AFF1: variants seen among roughly 807,000 people sequenced by gnomAD.
The protein encoded by AFF1 is AF4/FMR2 family member 1.
In AFF1, 48 loss-of-function variants were observed where a neutral mutation model predicts 121.7. The observed-to-expected ratio is 0.39, with a 90% CI of 0.31 to 0.50. The LOEUF (loss-of-function observed/expected upper bound fraction) is 0.50. AFF1 is among the 20% of genes least tolerant of loss of function. The pLI is 0.76. For synonymous variants in AFF1, 613 were observed against 563.0 expected, an observed-to-expected ratio of 1.09 and a Z score of -1.26; for missense variants, 1,523 against 1,511.7, an observed-to-expected ratio of 1.01 and a Z score of -0.12.
intron 2 of AFF1, chr4:86,949,549 T>TTTCCC (rs1721139932): frequency 1.9e-6 from 1 of 529,898 alleles, no homozygotes. Context: ...TTTTTTTTTT[T>TTTCCC]TTTTTTTCCC....
chr4:87,016,254 G>C (rs1306716253), intron 2 of AFF1, among the ~76,000 whole-genome samples: 6 of 152,104 alleles, frequency 3.9e-5, no homozygotes, highest in South Asian at 2.1e-4. Flanking sequence ...TTGTCACCCA[G>C]ATCTTTTATA....
intron 2 of AFF1, among the ~76,000 whole-genome samples, chr4:87,030,510 C>T (rs6810606): frequency 0.044 from 6,693 of 152,198 alleles, 487 homozygotes; most frequent in African/African-American, 0.15. Context: ...AAAAAATTCT[C>T]CCCCCTTTGC....
intron 2 of AFF1, among the ~76,000 whole-genome samples, chr4:86,969,253 C>T (rs973800849): frequency 2.8e-4 from 43 of 151,466 alleles, no homozygotes; most frequent in African/African-American, 9.2e-4. Context: ...CTGAGGCAGG[C>T]GGATCATGAG....
At chr4:86,947,753 T>C (rs1232479247) in intron 1 of AFF1, among the ~76,000 whole-genome samples, 1 of 152,112 alleles carries the variant, frequency 6.6e-6, no homozygotes, top group Non-Finnish European at 1.5e-5. Flanking sequence ...GGATAATAAT[T>C]TTTCCCCCAA....
rs140581453 is a variant in AFF1 at position 87,009,033 on chromosome 4, T to G, written c.39-37133T>G. Among the ~76,000 whole-genome samples the G allele has an allele frequency of 3.3e-5, 5 of 152,338 alleles. No homozygotes were observed. The South Asian group carries it at 6.2e-4, about 19-fold the overall frequency. On this transcript the variant is annotated intron_variant, in intron 2 of 20. Coordinates refer to ENST00000395146, the MANE Select transcript of AFF1 (RefSeq NM_001166693.3). ...TGCTGTGTGACAGATCTCAGTAATA[T>G]AGCGCAGGGATTTGTACCCAGGTGT...
At chr4:86,948,815 T>G (rs2149450050) in intron 2 of AFF1, among the ~76,000 whole-genome samples, 1 of 152,314 alleles carries the variant, frequency 6.6e-6, no homozygotes, top group South Asian at 2.1e-4. Context: ...GATGTTAATT[T>G]AAATGATTAA....
At position 87,134,600 on chromosome 4, in the gene AFF1, G is replaced by C; in HGVS notation, c.3441G>C (p.Gln1147His). ...AATISTPVTIQNMTSSYVTIT... is the reference protein window; with the variant it reads ...AATISTPVTIHNMTSSYVTIT... ...CTATCAGCACCCCAGTCACCATCCA[G>C]AATATGACATCTTCCTATGTCACCA... The change falls in exon 20 of 21, where the codon CAG becomes CAC. Residue 1147 changes from glutamine (Q) to histidine (H), a missense_variant. This residue lies in a region of AFF1 where 241 missense variants were observed against 265.2 expected (regional missense o/e 0.91). Coordinates refer to ENST00000395146, the MANE Select transcript of AFF1 (RefSeq NM_001166693.3). 1 of 1,614,184 alleles carries C rather than the reference G, an allele frequency of 6.2e-7. No individual in the cohort carries two copies. Among genetic ancestry groups the C allele is most frequent in the Non-Finnish European group, 8.5e-7 (1 of 1,180,040 alleles).
At chr4:86,969,465 C>T (rs754299335) in intron 2 of AFF1, among the ~76,000 whole-genome samples, 10 of 151,422 alleles carry the variant, frequency 6.6e-5, no homozygotes, top group African/African-American at 1.2e-4. Context: ...GGCAACAGAG[C>T]GAGCTTCCAT....
intron 4 of AFF1, among the ~76,000 whole-genome samples, chr4:87,083,471 T>C (rs1578214390): frequency 6.6e-6 from 1 of 152,220 alleles, no homozygotes; most frequent in East Asian, 1.9e-4. Flanking sequence ...AGAGTTATCC[T>C]TGATTGGACT....
chr4:87,038,972 G>C (rs1024441212), intron 2 of AFF1, among the ~76,000 whole-genome samples: 1 of 152,142 alleles, frequency 6.6e-6, no homozygotes, highest in Admixed American at 6.6e-5. Flanking sequence ...GCTGTGCACA[G>C]CCAGCCCTGT....
intron 2 of AFF1, among the ~76,000 whole-genome samples, chr4:86,969,873 C>T (rs1465576773): frequency 4.1e-5 from 1 of 24,220 alleles, no homozygotes; most frequent in East Asian, 5.1e-4. Context: ...GAGCGAGACT[C>T]CGTCTCAAAA....
intron 1 of AFF1, among the ~76,000 whole-genome samples, chr4:86,945,470 A>G (rs145567460): frequency 7.1e-6 from 1 of 140,624 alleles, no homozygotes; most frequent in Non-Finnish European, 1.5e-5. Flanking sequence ...GACCACAGAC[A>G]TGTGCCACCT....
chr4:87,082,876 A>G (rs1356712913), intron 4 of AFF1, among the ~76,000 whole-genome samples: 1 of 152,250 alleles, frequency 6.6e-6, no homozygotes, highest in Non-Finnish European at 1.5e-5. Context: ...AACCAGTTCT[A>G]TATTAAATTA....
In AFF1 at chr4:86,959,887, A is replaced by C. The variant is rs563245253; in HGVS notation, c.38+11316A>C. 5.9e-5 allele frequency among the ~76,000 whole-genome samples: 9 copies of C among 152,272 alleles called. No individual in the cohort carries two copies. The East Asian group carries it at 1.7e-3, about 29-fold the overall frequency. The stretch of plus-strand genomic sequence containing the variant: ...AGCCAGCTTCTCTTCTCTGTCTCTG[A>C]TAAATAATTGGAAGGAAAGGCAATG... On this transcript the variant is annotated intron_variant, in intron 2 of 20. Coordinates refer to ENST00000395146, the MANE Select transcript of AFF1 (RefSeq NM_001166693.3).
intron 2 of AFF1, among the ~76,000 whole-genome samples, chr4:87,042,010 G>GAAA (rs571154413): frequency 1.6e-5 from 2 of 124,812 alleles, no homozygotes; most frequent in African/African-American, 5.8e-5. Flanking sequence ...ACTCCATCTG[G>GAAA]AAAAAAAAAA....
At chr4:86,975,744 CAAAT>C (rs1242709846) in intron 2 of AFF1, among the ~76,000 whole-genome samples, 2 of 152,048 alleles carry the variant, frequency 1.3e-5, no homozygotes, top group Non-Finnish European at 2.9e-5. Flanking sequence ...AATACAGTGA[CAAAT>C]AAAACACAGT....
chr4:87,081,748 A>T (rs893415938), intron 4 of AFF1, among the ~76,000 whole-genome samples: 3 of 152,204 alleles, frequency 2.0e-5, no homozygotes, highest in African/African-American at 7.2e-5. Flanking sequence ...CAGGAAGATT[A>T]ACAGTAAATT....
At chr4:87,108,924 A>G (rs948495506) in intron 11 of AFF1, among the ~76,000 whole-genome samples, 1 of 152,210 alleles carries the variant, frequency 6.6e-6, no homozygotes, top group Admixed American at 6.5e-5. Context: ...GAATATTGTA[A>G]AGACAAACTG....
intron 2 of AFF1, among the ~76,000 whole-genome samples, chr4:86,982,864 A>G (rs1048523042): frequency 1.4e-5 from 2 of 138,722 alleles, no homozygotes; most frequent in South Asian, 2.2e-4. Context: ...AAAAAAAAAA[A>G]AAAAAAAAAA....
Sources: gnomAD v4.1 joint callset for allele counts (sites outside exome capture counted in the v4.1 genomes callset) on GRCh38, gnomAD v4.1.1 for gene constraint, gnomAD v4.1.1 regional missense constraint, MANE v1.5 for transcripts, NCBI Gene and HGNC (gene_info 2026-07-23, HGNC 2026-07-21) for gene names.